The following HPSE2 variants were observed in gnomAD, a reference collection of about 807,000 sequenced individuals.
The protein encoded by HPSE2 is heparanase 2 (inactive).
In HPSE2, 38 loss-of-function variants were observed where a neutral mutation model predicts 60.5. That is an observed-to-expected ratio of 0.63 (90% confidence interval 0.48 to 0.82). The LOEUF is 0.82. Among genes scored for constraint, HPSE2 ranks in the 40% least tolerant of loss-of-function variants. HPSE2 has a pLI of 0.00. For missense variants in HPSE2, 713 were observed against 740.4 expected (o/e 0.96, Z 0.43); for synonymous variants, 295 against 293.2 (o/e 1.01, Z -0.06).
chr10:98,815,562 A>T (rs1369035401), intron 3 of HPSE2, among the ~76,000 whole-genome samples: 1 of 152,172 alleles, frequency 6.6e-6, no homozygotes, highest in Non-Finnish European at 1.5e-5. Flanking sequence ...TAAATTTCCT[A>T]TGCTTCCTGT....
At chr10:98,868,408 A>C (rs1242088866) in intron 3 of HPSE2, among the ~76,000 whole-genome samples, 1 of 152,088 alleles carries the variant, frequency 6.6e-6, no homozygotes, top group Non-Finnish European at 1.5e-5. Context: ...CCAAATAAAA[A>C]AAATAGAATG....
At chr10:99,115,908 C>T (rs1321592919) in intron 3 of HPSE2, among the ~76,000 whole-genome samples, 2 of 152,108 alleles carry the variant, frequency 1.3e-5, no homozygotes, top group African/African-American at 4.8e-5. Flanking sequence ...TTGTGCATGG[C>T]CATTGACTTT....
At chr10:98,946,361 T>G (rs2135175669) in intron 3 of HPSE2, among the ~76,000 whole-genome samples, 1 of 151,240 alleles carries the variant, frequency 6.6e-6, no homozygotes, top group Admixed American at 6.6e-5. Context: ...AGCTACTCAC[T>G]AATTGGGAGG....
chr10:99,315,083 A>C, the HPSE2 span, among the ~76,000 whole-genome samples: 1 of 152,254 alleles, frequency 6.6e-6, no homozygotes, highest in Non-Finnish European at 1.5e-5. Context: ...AATTTTATTT[A>C]AGTATAGTTA....
intron 3 of HPSE2, among the ~76,000 whole-genome samples, chr10:98,878,272 A>AT (rs200284179): frequency 0.011 from 1,673 of 151,858 alleles, 7 homozygotes; most frequent in Middle Eastern, 0.024. Flanking sequence ...AAAGAGATCT[A>AT]TTTTTTTTCC....
At chr10:99,232,562 G>C (rs372138936) in intron 1 of HPSE2, 57 bp from the exon 2 acceptor site, 9 of 1,537,046 alleles carry the variant, frequency 5.9e-6, no homozygotes, top group Non-Finnish European at 7.0e-6. Flanking sequence ...AGAGCGCGTG[G>C]GGCACGGAGA....
At chr10:99,288,307 T>C in the HPSE2 span, among the ~76,000 whole-genome samples, 2 of 152,178 alleles carry the variant, frequency 1.3e-5, no homozygotes, top group African/African-American at 2.4e-5. Context: ...TCTACCACGA[T>C]AGCTTACACA....
the HPSE2 span, among the ~76,000 whole-genome samples, chr10:99,244,568 A>ATTT: frequency 9.0e-4 from 66 of 73,730 alleles, 2 homozygotes; most frequent in South Asian, 1.9e-3. Flanking sequence ...CTATGCCTGG[A>ATTT]TTTTTTTTTT....
chr10:98,950,531 A>G (rs1176148265), intron 3 of HPSE2, among the ~76,000 whole-genome samples: 1 of 152,184 alleles, frequency 6.6e-6, no homozygotes, highest in Non-Finnish European at 1.5e-5. Context: ...GAAAAAATCA[A>G]TTATAGTTTT....
intron 5 of HPSE2, among the ~76,000 whole-genome samples, chr10:98,695,731 C>T (rs1565086822): frequency 6.6e-6 from 1 of 152,142 alleles, no homozygotes; most frequent in Non-Finnish European, 1.5e-5. Context: ...ATTTCTCTTC[C>T]TCTTTATCTC....
At chr10:98,529,790 G>A (rs1943077249) in intron 9 of HPSE2, among the ~76,000 whole-genome samples, 1 of 152,088 alleles carries the variant, frequency 6.6e-6, no homozygotes, top group South Asian at 2.1e-4. Flanking sequence ...CTTTTCTCCT[G>A]CACAAATTGG....
chr10:98,592,667 A>T (rs1945122487), intron 9 of HPSE2, among the ~76,000 whole-genome samples: 1 of 152,192 alleles, frequency 6.6e-6, no homozygotes, highest in African/African-American at 2.4e-5. Context: ...TCTGGGGGAA[A>T]TTTAATCCAC....
intron 2 of HPSE2, among the ~76,000 whole-genome samples, chr10:99,213,714 G>C (rs1375712583): frequency 6.6e-6 from 1 of 152,120 alleles, no homozygotes; most frequent in Non-Finnish European, 1.5e-5. Context: ...AATGGGCAGA[G>C]GTGGGGGAGC....
At chr10:99,047,823 G>A (rs1160585532) in intron 3 of HPSE2, 15 of 806,292 alleles carry the variant, frequency 1.9e-5, no homozygotes, top group Middle Eastern at 2.3e-4. Context: ...AAGGAATATA[G>A]GCAGATGTAC....
intron 7 of HPSE2, among the ~76,000 whole-genome samples, chr10:98,632,981 C>T (rs685041): frequency 0.32 from 48,576 of 151,790 alleles, 8,598 homozygotes; most frequent in East Asian, 0.44. Flanking sequence ...GGAAGTTACA[C>T]TGGGTGCACG....
chr10:98,817,754 GA>G (rs757114615), intron 3 of HPSE2, among the ~76,000 whole-genome samples: 1 of 152,100 alleles, frequency 6.6e-6, no homozygotes, highest in African/African-American at 2.4e-5. Flanking sequence ...AGCTCCATCG[GA>G]ATAATGAGGT....
chr10:98,837,836 T>C (rs1401762633), intron 3 of HPSE2, among the ~76,000 whole-genome samples: 1 of 150,478 alleles, frequency 6.6e-6, no homozygotes, highest in Non-Finnish European at 1.5e-5. Context: ...ATCGTGCCAC[T>C]GCACTCCAGC....
chr10:99,152,888 G>A (rs992556190), intron 2 of HPSE2, among the ~76,000 whole-genome samples: 9 of 152,228 alleles, frequency 5.9e-5, no homozygotes, highest in African/African-American at 1.7e-4. Context: ...GGGTCAGTGG[G>A]TGCGCGCATC....
intron 7 of HPSE2, among the ~76,000 whole-genome samples, chr10:98,630,520 C>G (rs112506933): frequency 0.011 from 1,709 of 152,034 alleles, 42 homozygotes; most frequent in African/African-American, 0.039. Context: ...TACCGATTAC[C>G]TTTCCCCTGC....
Sources: allele counts gnomAD v4.1 joint callset (sites outside exome capture counted in the v4.1 genomes callset), GRCh38; gene constraint gnomAD v4.1.1; transcripts MANE v1.5; gene names NCBI Gene and HGNC (gene_info 2026-07-23, HGNC 2026-07-21).